CLSTN2: variants seen among roughly 807,000 people sequenced by gnomAD.
CLSTN2 encodes the protein calsyntenin-2.
A neutral mutation model predicts 101.2 loss-of-function variants in CLSTN2; 48 were observed. That is an observed-to-expected ratio of 0.47 (90% CI 0.38 to 0.60). The LOEUF (loss-of-function observed/expected upper bound fraction) is 0.60, where lower values mean the gene tolerates loss of function less well. CLSTN2 is among the 20% of genes least tolerant of loss of function. The pLI is 0.00. For missense variants in CLSTN2, 1,160 were observed against 1,238.2 expected (o/e 0.94, Z 0.95); for synonymous variants, 481 against 463.6 (o/e 1.04, Z -0.48).
chr3:140,437,314 C>T (rs571189759), intron 5 of CLSTN2, among the ~76,000 whole-genome samples: 144 of 152,280 alleles, frequency 9.5e-4, no homozygotes, highest in African/African-American at 3.3e-3. Context: ...TCCCAAAGTG[C>T]TGGGATTACA....
chr3:140,143,706 C>T (rs1252582924), intron 1 of CLSTN2, among the ~76,000 whole-genome samples: 1 of 152,204 alleles, frequency 6.6e-6, no homozygotes, highest in Non-Finnish European at 1.5e-5. Context: ...AGGAAGCCTG[C>T]CTAATCAGTT....
intron 1 of CLSTN2, among the ~76,000 whole-genome samples, chr3:139,991,640 C>T (rs1560063729): frequency 6.6e-6 from 1 of 152,354 alleles, no homozygotes; most frequent in East Asian, 1.9e-4. Flanking sequence ...GCAGTATGCA[C>T]CATGCTCTGT....
At chr3:140,218,611 C>A (rs2086230204) in intron 2 of CLSTN2, among the ~76,000 whole-genome samples, 1 of 152,160 alleles carries the variant, frequency 6.6e-6, no homozygotes, top group Non-Finnish European at 1.5e-5. Flanking sequence ...TTTTACATAT[C>A]AGCAACTAGT....
chr3:139,989,115 C>T (rs1187078811), intron 1 of CLSTN2, among the ~76,000 whole-genome samples: 8 of 152,248 alleles, frequency 5.3e-5, no homozygotes, highest in Middle Eastern at 3.4e-3. Context: ...CAGCCCAAGT[C>T]TCACAGGCAA....
chr3:140,420,289 G>A (rs1425518550), intron 4 of CLSTN2, among the ~76,000 whole-genome samples: 4 of 144,200 alleles, frequency 2.8e-5, no homozygotes, highest in South Asian at 2.2e-4. Context: ...CAACTCTGCC[G>A]CCAAAAAAAA....
At chr3:140,064,223 TC>T (rs1200167461) in intron 1 of CLSTN2, among the ~76,000 whole-genome samples, 1 of 152,202 alleles carries the variant, frequency 6.6e-6, no homozygotes, top group African/African-American at 2.4e-5. Flanking sequence ...AGACAGGCCA[TC>T]AACAGTTATG....
intron 4 of CLSTN2, among the ~76,000 whole-genome samples, chr3:140,416,733 A>G (rs2088435005): frequency 6.6e-6 from 1 of 152,252 alleles, no homozygotes; most frequent in Admixed American, 6.5e-5. Flanking sequence ...CCTCTGGCAC[A>G]AGCCAGCCAC....
chr3:140,452,886 T>A (rs754357169), intron 6 of CLSTN2, among the ~76,000 whole-genome samples: 12 of 152,196 alleles, frequency 7.9e-5, no homozygotes, highest in Non-Finnish European at 1.5e-4. Flanking sequence ...CCAGGCTTCC[T>A]AGAGAAGCAG....
intron 1 of CLSTN2, among the ~76,000 whole-genome samples, chr3:139,951,283 C>G (rs1935289494): frequency 6.6e-6 from 1 of 152,102 alleles, no homozygotes; most frequent in South Asian, 2.1e-4. Flanking sequence ...AAAGGGTAGA[C>G]AATTTCTAGA....
chr3:140,458,665 G>C lies in CLSTN2; in HGVS notation c.974-856G>C, dbSNP rs920519827. Among the ~76,000 whole-genome samples the C allele has an allele frequency of 7.3e-4, 111 of 152,200 alleles. 1 individual carries two copies. The highest frequency in any genetic ancestry group is 2.5e-3 in the African/African-American group (103 of 41,524). On this transcript the variant is annotated intron_variant, in intron 6 of 16. Coordinates refer to ENST00000458420, the MANE Select transcript of CLSTN2 (RefSeq NM_022131.3). ...CCTCAGATGAAGTCTTCGTGCCTTAGCCTGAGTACTATTATAGTAGCAGCA... is the reference window on the plus strand; with the variant it reads ...CCTCAGATGAAGTCTTCGTGCCTTACCCTGAGTACTATTATAGTAGCAGCA...
At chr3:140,203,397 GC>G (rs1295642199) in intron 2 of CLSTN2, among the ~76,000 whole-genome samples, 1 of 147,398 alleles carries the variant, frequency 6.8e-6, no homozygotes, top group East Asian at 2.1e-4. Context: ...GAACATTACT[GC>G]AAAGGATAAC....
intron 2 of CLSTN2, among the ~76,000 whole-genome samples, chr3:140,314,680 C>G (rs937894876): frequency 6.6e-6 from 1 of 152,064 alleles, no homozygotes; most frequent in Non-Finnish European, 1.5e-5. Context: ...TGAGTAAACC[C>G]AGAATATGTG....
intron 1 of CLSTN2, among the ~76,000 whole-genome samples, chr3:140,114,631 C>G (rs974820816): frequency 2.0e-5 from 3 of 152,034 alleles, no homozygotes; most frequent in Non-Finnish European, 4.4e-5. Flanking sequence ...TGTTTTTCTT[C>G]AAATGGCTAC....
chr3:140,012,088 G>A (rs1320514636), intron 1 of CLSTN2, among the ~76,000 whole-genome samples: 2 of 152,150 alleles, frequency 1.3e-5, no homozygotes, highest in African/African-American at 4.8e-5. Flanking sequence ...GGTGCACAAG[G>A]AAGATGGACG....
At chr3:140,064,045 G>A (rs1278698966) in intron 1 of CLSTN2, among the ~76,000 whole-genome samples, 1 of 152,102 alleles carries the variant, frequency 6.6e-6, no homozygotes, top group Non-Finnish European at 1.5e-5. Flanking sequence ...AGTAACCATT[G>A]GCTACCTTAT....
chr3:140,258,701 A>G (rs1377002394), intron 2 of CLSTN2, among the ~76,000 whole-genome samples: 1 of 152,078 alleles, frequency 6.6e-6, no homozygotes, highest in African/African-American at 2.4e-5. Flanking sequence ...CTTCATCTTA[A>G]TATCTTTGAA....
chr3:140,551,414 G>A (rs1935696231), intron 10 of CLSTN2, among the ~76,000 whole-genome samples: 1 of 151,716 alleles, frequency 6.6e-6, no homozygotes, highest in Non-Finnish European at 1.5e-5. Context: ...CTGCTGTATT[G>A]TATCCATACA....
chr3:139,965,037 G>A (rs1935569925), intron 1 of CLSTN2, among the ~76,000 whole-genome samples: 1 of 152,132 alleles, frequency 6.6e-6, no homozygotes, highest in South Asian at 2.1e-4. Context: ...TACTTTGGGA[G>A]TTTTCTTCAG....
intron 2 of CLSTN2, among the ~76,000 whole-genome samples, chr3:140,330,149 G>A (rs886127640): frequency 1.3e-5 from 2 of 152,188 alleles, no homozygotes; most frequent in African/African-American, 2.4e-5. Flanking sequence ...TAACTCTTTG[G>A]GAAGGGAATC....
Sources: allele counts gnomAD v4.1 joint callset (sites outside exome capture counted in the v4.1 genomes callset), GRCh38; gene constraint gnomAD v4.1.1; transcripts MANE v1.5; gene names NCBI Gene and HGNC (gene_info 2026-07-23, HGNC 2026-07-21).